Variants in RILPL2 observed in about 807,000 individuals in gnomAD.
The protein encoded by RILPL2 is Rab interacting lysosomal protein like 2.
A neutral mutation model predicts 22.2 loss-of-function variants in RILPL2; 19 were observed. That is an observed-to-expected ratio of 0.86 (90% confidence interval 0.60 to 1.25). RILPL2 has a LOEUF of 1.25. Ranked by LOEUF, RILPL2 falls within the 50% of genes most tolerant of loss-of-function variation. RILPL2 has a pLI of 0.00. For missense variants in RILPL2, 243 were observed against 263.6 expected (o/e 0.92, Z 0.54); for synonymous variants, 123 against 111.6 (o/e 1.10, Z -0.64).
intron 1 of RILPL2, among the ~76,000 whole-genome samples, chr12:123,433,459 A>C (rs1413785110): frequency 6.8e-6 from 1 of 146,766 alleles, no homozygotes; most frequent in Non-Finnish European, 1.5e-5. Flanking sequence ...CTGTTGCCCC[A>C]GCTGGAGTGC....
rs577634711 is a variant in RILPL2, at chr12:123,417,980, G to A, written c.606-2059C>T. 2.0e-5 allele frequency among the ~76,000 whole-genome samples: 3 copies of A among 152,256 alleles called. No individual in the cohort carries two copies. The South Asian group carries it at 6.2e-4, about 32-fold the overall frequency. ...TTGGTGGGAGACGGGATCTTGCTCT[G>A]TCATCCAGGCTGGAGTGTAGTGGTG... On this transcript the variant is annotated intron_variant, in intron 3 of 3. Coordinates refer to ENST00000280571, the MANE Select transcript of RILPL2 (RefSeq NM_145058.3).
At chr12:123,416,464 C>T (rs976753334) in intron 3 of RILPL2, among the ~76,000 whole-genome samples, 5 of 151,980 alleles carry the variant, frequency 3.3e-5, no homozygotes, top group African/African-American at 1.2e-4. Context: ...ACGGTGAAAC[C>T]CCGTCTCTAC....
chr12:123,415,266 G>T lies in RILPL2; in HGVS notation c.*625C>A, dbSNP rs1053750914. On this transcript the variant is annotated 3_prime_UTR_variant, in exon 4 of 4. Transcript: ENST00000280571. ...CCCTTCATAGTGACACCAGATAATC[G>T]TGCATCGCTTAGACTGAATGAATGC... is the stretch of plus-strand genomic sequence containing the variant. 1 of 152,488 alleles carries T rather than the reference G, an allele frequency of 6.6e-6. No individual in the cohort carries two copies. Among genetic ancestry groups the T allele is most frequent in the African/African-American group, 2.4e-5 (1 of 41,394 alleles). 9.4% of individuals were successfully genotyped at this position (152,488 alleles called of 1,614,324 possible).
At chr12:123,428,816 A>G (rs975693416) in intron 2 of RILPL2, among the ~76,000 whole-genome samples, 3 of 152,142 alleles carry the variant, frequency 2.0e-5, no homozygotes, top group Non-Finnish European at 4.4e-5. Flanking sequence ...ACTAATTGAA[A>G]TGATGCTTGG....
chr12:123,434,633 G>A (rs113286997), intron 1 of RILPL2, among the ~76,000 whole-genome samples: 9,959 of 151,560 alleles, frequency 0.066, 475 homozygotes, highest in East Asian at 0.25. Flanking sequence ...TCACCATGTT[G>A]GCCAGGCTGG....
chr12:123,416,565 G>T (rs923527681), intron 3 of RILPL2, among the ~76,000 whole-genome samples: 3 of 151,942 alleles, frequency 2.0e-5, no homozygotes, highest in African/African-American at 7.3e-5. Flanking sequence ...GCATAAACCC[G>T]GGAGGCGGAG....
intron 1 of RILPL2, among the ~76,000 whole-genome samples, chr12:123,431,012 T>G (rs1879632170): frequency 6.6e-6 from 1 of 152,298 alleles, no homozygotes; most frequent in East Asian, 1.9e-4. Flanking sequence ...GCCTGGCTAA[T>G]TTTGTATTTT....
intron 3 of RILPL2, among the ~76,000 whole-genome samples, chr12:123,419,033 C>T (rs1457972953): frequency 5.0e-5 from 6 of 120,562 alleles, no homozygotes; most frequent in African/African-American, 1.9e-4. Flanking sequence ...TTTTTTGAGA[C>T]GGAGTCTCGC....
In RILPL2 at chr12:123,430,535, A is replaced by G; in HGVS notation, c.464T>C (p.Val155Ala). 6.2e-7 allele frequency: 1 copy of G among 1,608,208 alleles called. No homozygotes were observed. The highest frequency in any genetic ancestry group is 1.1e-5 in the South Asian group (1 of 90,652). Reference sequence around the variant, plus strand: ...CTTGTAGCACTGCAGCTCTTCCTGCACCACCAGGAGCTGCGACTTGAGTTT... The same window carrying G: ...CTTGTAGCACTGCAGCTCTTCCTGCGCCACCAGGAGCTGCGACTTGAGTTT... Reference protein sequence around the residue: ...RNKLKSQLLVVQEELQCYKSG... With the variant: ...RNKLKSQLLVAQEELQCYKSG... Residue 155 changes from valine to alanine, a missense_variant, in exon 2 of 4, where the codon GTG becomes GCG. Transcript: ENST00000280571.
intron 3 of RILPL2, among the ~76,000 whole-genome samples, chr12:123,419,502 C>T (rs76573437): frequency 0.02 from 3,078 of 152,146 alleles, 117 homozygotes; most frequent in African/African-American, 0.07. Context: ...AATGGTCCCA[C>T]GTGGGACAGG....
intron 2 of RILPL2, among the ~76,000 whole-genome samples, chr12:123,426,363 G>A (rs995752715): frequency 6.6e-6 from 1 of 151,998 alleles, no homozygotes; most frequent in Admixed American, 6.6e-5. Context: ...TGGCCAGGCT[G>A]GTGTTGATTG....
intron 2 of RILPL2, among the ~76,000 whole-genome samples, chr12:123,423,899 C>T (rs529217611): frequency 1.3e-3 from 190 of 150,590 alleles, no homozygotes; most frequent in Admixed American, 3.9e-3. Context: ...GTGATCTGCC[C>T]GCCTCAGCCT....
intron 3 of RILPL2, among the ~76,000 whole-genome samples, chr12:123,422,402 G>A (rs1593489646): frequency 1.3e-5 from 2 of 152,094 alleles, no homozygotes; most frequent in East Asian, 3.9e-4. Context: ...TGTAATCCCA[G>A]CTACTCAGTA....
chr12:123,420,175 C>A (rs778063986), intron 3 of RILPL2, among the ~76,000 whole-genome samples: 1 of 151,942 alleles, frequency 6.6e-6, no homozygotes, highest in South Asian at 2.1e-4. Context: ...AAGGAGCCTG[C>A]CACCATGCCT....
At chr12:123,423,311 C>T (rs1425410382) in intron 2 of RILPL2, among the ~76,000 whole-genome samples, 154 bp from the exon 3 acceptor site, 1 of 149,896 alleles carries the variant, frequency 6.7e-6, no homozygotes, top group Non-Finnish European at 1.5e-5. Flanking sequence ...AAGTGATTCT[C>T]CTGCCTCTGC....
At chr12:123,425,228 G>A (rs569538143) in intron 2 of RILPL2, among the ~76,000 whole-genome samples, 2 of 151,854 alleles carry the variant, frequency 1.3e-5, no homozygotes, top group Non-Finnish European at 2.9e-5. Flanking sequence ...CCAGGCTGGA[G>A]TGCAATGGTG....
intron 1 of RILPL2, among the ~76,000 whole-genome samples, chr12:123,431,721 G>A (rs1290076023): frequency 2.0e-5 from 3 of 150,938 alleles, no homozygotes; most frequent in Non-Finnish European, 3.0e-5. Context: ...AGCTACTCAG[G>A]AGGCTGAGGC....
At chr12:123,429,582 C>G (rs1174969293) in intron 2 of RILPL2, among the ~76,000 whole-genome samples, 1 of 151,900 alleles carries the variant, frequency 6.6e-6, no homozygotes, top group Non-Finnish European at 1.5e-5. Context: ...GACGTGCCAC[C>G]ATCCCCAGTC....
In RILPL2 at chr12:123,415,768, T is replaced by A. The variant is rs975349129; in HGVS notation, c.*123A>T. ...CTCGTCTCCTCCCTCCTCAGTCTGCTTTGAAGGGGAAATAAATACACAGGC... is the reference window on the plus strand; with the variant it reads ...CTCGTCTCCTCCCTCCTCAGTCTGCATTGAAGGGGAAATAAATACACAGGC... On this transcript the variant is annotated 3_prime_UTR_variant, in exon 4 of 4. Transcript: ENST00000280571. The A allele has an allele frequency of 3.1e-6, 3 of 976,390 alleles. No homozygotes were observed. The highest frequency in any genetic ancestry group is 5.0e-6 in the Non-Finnish European group (3 of 602,726). The allele number at this position is 976,390 out of a possible 1,614,324, so 60.5% of individuals were successfully genotyped here.
Sources: allele counts gnomAD v4.1 joint callset (sites outside exome capture counted in the v4.1 genomes callset), GRCh38; gene constraint gnomAD v4.1.1; transcripts MANE v1.5; gene names NCBI Gene and HGNC (gene_info 2026-07-23, HGNC 2026-07-21).